SMIM7: variants seen among roughly 807,000 people sequenced by gnomAD.
SMIM7 encodes small integral membrane protein 7.
SMIM7 carries 12 observed loss-of-function variants against 13.3 expected under a neutral mutation model. The ratio of observed to expected loss-of-function variants is 0.90; its 90% confidence interval spans 0.58 to 1.46. SMIM7 has a LOEUF of 1.46. SMIM7 is among the 40% of genes most tolerant of loss of function. SMIM7 has a pLI of 0.00. For synonymous variants in SMIM7, 36 were observed against 35.8 expected (o/e 1.01, Z -0.02); for missense variants, 114 against 94.8 (o/e 1.20, Z -0.84).
intron 4 of SMIM7, among the ~76,000 whole-genome samples, chr19:16,649,743 C>CAA (rs1308127156): frequency 6.6e-6 from 1 of 152,114 alleles, no homozygotes; most frequent in Non-Finnish European, 1.5e-5. Flanking sequence ...CACCAACTGA[C>CAA]AGATGGAAAA....
chr19:16,653,925 C>T (rs971047158), intron 4 of SMIM7, 110 bp downstream of exon 4: 2 of 843,310 alleles, frequency 2.4e-6, no homozygotes, highest in Non-Finnish European at 3.7e-6. Context: ...AAAACAGAAA[C>T]CAGGATACAA....
At chr19:16,635,703 G>A (rs568001086) in intron 4 of SMIM7, among the ~76,000 whole-genome samples, 1 of 151,722 alleles carries the variant, frequency 6.6e-6, no homozygotes, top group East Asian at 2.0e-4. Flanking sequence ...CCAACATGGT[G>A]AAATCCCATC....
intron 3 of SMIM7, among the ~76,000 whole-genome samples, chr19:16,657,932 G>T (rs1235285574): frequency 6.6e-6 from 1 of 152,208 alleles, no homozygotes; most frequent in Admixed American, 6.5e-5. Flanking sequence ...CTACTTGGGA[G>T]CCTGAGGCAA....
downstream of SMIM7, among the ~76,000 whole-genome samples, chr19:16,642,504 C>A (rs2086411030): frequency 6.6e-6 from 1 of 151,956 alleles, no homozygotes; most frequent in African/African-American, 2.4e-5. Context: ...GAACCAAGAT[C>A]ACACCACCGC....
intron 4 of SMIM7, among the ~76,000 whole-genome samples, chr19:16,653,215 GC>G (rs1181701050): frequency 6.6e-6 from 1 of 152,220 alleles, no homozygotes; most frequent in East Asian, 1.9e-4. Context: ...AAAAGTTCCA[GC>G]CCGGTTTGGT....
intron 4 of SMIM7, among the ~76,000 whole-genome samples, chr19:16,635,560 C>G (rs1206276731): frequency 6.6e-6 from 1 of 152,048 alleles, no homozygotes; most frequent in Non-Finnish European, 1.5e-5. Context: ...AACAAAGGTG[C>G]AGAGTTGTGC....
intron 1 of SMIM7, 38 bp downstream of exon 1, chr19:16,660,047 C>G (rs1417490259): frequency 1.2e-6 from 2 of 1,614,060 alleles, no homozygotes; most frequent in Non-Finnish European, 1.7e-6. Flanking sequence ...CGCGTCCTGC[C>G]TGGCTCTCTC....
At chr19:16,633,455 CAAAAAAAAAGAAAAAAAA>C (rs2086336423) in intron 4 of SMIM7, among the ~76,000 whole-genome samples, 1 of 60,104 alleles carries the variant, frequency 1.7e-5, no homozygotes, top group Non-Finnish European at 3.1e-5. Context: ...GAATCTGTCT[CAAAAAAAAAGAAAAAAAA>C]AAAAAAAAAA....
intron 4 of SMIM7, 29 bp from the exon 5 acceptor site, chr19:16,647,290 G>C (rs542423770): frequency 6.2e-7 from 1 of 1,613,628 alleles, no homozygotes; most frequent in East Asian, 2.2e-5. Context: ...AGAAATGTCT[G>C]TGAGGATAGG....
intron 4 of SMIM7, among the ~76,000 whole-genome samples, chr19:16,649,212 A>G (rs943426630): frequency 6.6e-6 from 1 of 152,010 alleles, no homozygotes; most frequent in Non-Finnish European, 1.5e-5. Flanking sequence ...CTTTAATCTC[A>G]GCACTTTGGG....
In SMIM7 at chr19:16,660,100, T is replaced by C; in HGVS notation, c.11A>G (p.Asp4Gly). ...CCCTAATTACCCGAACAGCAGGATG[T>C]CTCCGATCATCGTTACGGCCGAAGC... MIG[D>G]ILLFGTLLMN... The change falls in exon 1 of 5, where the codon GAC becomes GGC. Residue 4 changes from aspartate to glycine, a missense_variant. Physicochemically the swap from Asp to Gly is moderately conservative, Grantham distance 94. Coordinates refer to ENST00000487416, the MANE Select transcript of SMIM7 (RefSeq NM_024104.4). 1 of 1,614,128 alleles carries C rather than the reference T, an allele frequency of 6.2e-7. No individual in the cohort carries two copies. Among genetic ancestry groups the C allele is most frequent in the Non-Finnish European group, 8.5e-7 (1 of 1,180,022 alleles).
intron 4 of SMIM7, chr19:16,652,901 T>C (rs1390685197): frequency 3.2e-5 from 49 of 1,550,414 alleles, no homozygotes; most frequent in Non-Finnish European, 3.7e-5. Context: ...TCGTTAACAG[T>C]AGTATCAGAG....
At chr19:16,657,355 A>G (rs1414882158) in intron 3 of SMIM7, among the ~76,000 whole-genome samples, 1 of 152,070 alleles carries the variant, frequency 6.6e-6, no homozygotes, top group Non-Finnish European at 1.5e-5. Context: ...TCTCCCGCCC[A>G]CTGGAGCTCT....
chr19:16,639,946 GTTTT>G (rs999692105), intron 4 of SMIM7: 1 of 150,858 alleles, frequency 6.6e-6, no homozygotes, highest in East Asian at 1.9e-4. Context: ...CAATCTTTCG[GTTTT>G]TTGTTTTTTT....
At chr19:16,658,736 T>C (rs2086628100) in intron 3 of SMIM7, among the ~76,000 whole-genome samples, 1 of 152,164 alleles carries the variant, frequency 6.6e-6, no homozygotes, top group Non-Finnish European at 1.5e-5. Context: ...TGTTCATTCA[T>C]TCATTCACAG....
chr19:16,638,458 C>A (rs2086377839), intron 4 of SMIM7, among the ~76,000 whole-genome samples: 1 of 151,570 alleles, frequency 6.6e-6, no homozygotes, highest in African/African-American at 2.4e-5. Flanking sequence ...TGCCCGCCAC[C>A]ATGCCCGGCT....
intron 2 of SMIM7, 144 bp from the exon 3 acceptor site, chr19:16,659,591 C>T (rs1176416464): frequency 2.5e-6 from 2 of 791,538 alleles, no homozygotes; most frequent in African/African-American, 3.4e-5. Context: ...CGTTCAATAC[C>T]CTTCTCTGGG....
At chr19:16,659,628 A>C in intron 2 of SMIM7, 181 bp from the exon 3 acceptor site, 1 of 693,302 alleles carries the variant, frequency 1.4e-6, no homozygotes, top group Non-Finnish European at 2.4e-6. Context: ...AATCACAGCC[A>C]GGTCAGCAGC....
intron 3 of SMIM7, among the ~76,000 whole-genome samples, chr19:16,655,680 CAAAAAAAAAAA>C (rs869256040): frequency 1.3e-4 from 5 of 38,514 alleles, no homozygotes; most frequent in Admixed American, 2.9e-4. Flanking sequence ...GACTCCATCT[CAAAAAAAAAAA>C]AAAAAAAAAA....
Sources: gnomAD v4.1 joint callset for allele counts (sites outside exome capture counted in the v4.1 genomes callset) on GRCh38, gnomAD v4.1.1 for gene constraint, MANE v1.5 for transcripts, NCBI Gene and HGNC (gene_info 2026-07-23, HGNC 2026-07-21) for gene names.